HSD17B12: variants seen among roughly 807,000 people sequenced by gnomAD.
HSD17B12 encodes the protein hydroxysteroid 17-beta dehydrogenase 12.
HSD17B12 carries 32 observed loss-of-function variants against 39.3 expected under a neutral mutation model. The ratio of observed to expected loss-of-function variants is 0.81; its 90% CI spans 0.61 to 1.09. The LOEUF is 1.09. Ranked by LOEUF, HSD17B12 falls within the 50% of genes least tolerant of loss-of-function variation. HSD17B12 has a pLI of 0.00. For synonymous variants in HSD17B12, 150 were observed against 146.7 expected (o/e 1.02, Z -0.16); for missense variants, 342 against 382.9 (o/e 0.89, Z 0.89).
intron 3 of HSD17B12, among the ~76,000 whole-genome samples, chr11:43,775,389 G>T (rs554715942): frequency 9.2e-5 from 14 of 152,294 alleles, no homozygotes; most frequent in African/African-American, 3.1e-4. Flanking sequence ...GACAGATGCA[G>T]GTTTTGGATC....
the HSD17B12 span, among the ~76,000 whole-genome samples, chr11:43,610,297 G>A: frequency 6.6e-4 from 101 of 152,258 alleles, no homozygotes; most frequent in East Asian, 0.014. Context: ...CCTGGAGTCC[G>A]AAACAATGTT....
At chr11:43,639,276 C>G in the HSD17B12 span, among the ~76,000 whole-genome samples, 2 of 152,222 alleles carry the variant, frequency 1.3e-5, no homozygotes. Flanking sequence ...CCTTGCCTAA[C>G]AGCACAGCCC....
the HSD17B12 span, among the ~76,000 whole-genome samples, chr11:43,604,113 A>C: frequency 1.3e-5 from 2 of 152,188 alleles, no homozygotes; most frequent in Admixed American, 6.5e-5. Context: ...CATTCTTCTT[A>C]TTAATTCCCA....
At chr11:43,837,288 T>G (rs147565529) in intron 7 of HSD17B12, among the ~76,000 whole-genome samples, 19 of 152,192 alleles carry the variant, frequency 1.2e-4, no homozygotes, top group African/African-American at 4.6e-4. Context: ...AAAATAGGTG[T>G]TGGGAAGTAA....
At chr11:43,722,130 G>T (rs1250143878) in intron 1 of HSD17B12, among the ~76,000 whole-genome samples, 1 of 152,204 alleles carries the variant, frequency 6.6e-6, no homozygotes, top group Non-Finnish European at 1.5e-5. Context: ...GAATAAATGG[G>T]TGGTCCCATG....
intron 1 of HSD17B12, among the ~76,000 whole-genome samples, chr11:43,727,567 G>A (rs1950232439): frequency 6.6e-6 from 1 of 150,920 alleles, no homozygotes; most frequent in African/African-American, 2.4e-5. Context: ...TGATTTTCCT[G>A]CCTCAGCCTC....
At chr11:43,768,787 G>C (rs1198768524) in intron 3 of HSD17B12, among the ~76,000 whole-genome samples, 1 of 152,148 alleles carries the variant, frequency 6.6e-6, no homozygotes. Context: ...TGGCTCTGGT[G>C]GCCAGTTTTT....
chr11:43,732,912 C>CAG (rs1488085040), intron 1 of HSD17B12, among the ~76,000 whole-genome samples: 31 of 152,222 alleles, frequency 2.0e-4, no homozygotes, highest in Admixed American at 4.6e-4. Flanking sequence ...GCTGGAATTA[C>CAG]AGATGTGAGC....
chr11:43,723,496 A>G (rs1950193707), intron 1 of HSD17B12, among the ~76,000 whole-genome samples: 1 of 152,170 alleles, frequency 6.6e-6, no homozygotes, highest in African/African-American at 2.4e-5. Flanking sequence ...TACCACTCTA[A>G]TTTTATTATA....
At chr11:43,651,554 G>A in the HSD17B12 span, among the ~76,000 whole-genome samples, 1 of 152,156 alleles carries the variant, frequency 6.6e-6, no homozygotes, top group African/African-American at 2.4e-5. Flanking sequence ...ATAAACATTT[G>A]TAAATTGAAG....
the HSD17B12 span, among the ~76,000 whole-genome samples, chr11:43,658,489 T>A: frequency 2.6e-5 from 4 of 152,170 alleles, no homozygotes; most frequent in Non-Finnish European, 5.9e-5. Context: ...GAGTTTCCAG[T>A]TTTTCTGCTC....
At chr11:43,720,855 A>G (rs1950169981) in intron 1 of HSD17B12, among the ~76,000 whole-genome samples, 1 of 152,174 alleles carries the variant, frequency 6.6e-6, no homozygotes, top group Non-Finnish European at 1.5e-5. Context: ...AATGAAAAAA[A>G]ACCAACATAA....
chr11:43,715,581 A>G (rs1471759333), intron 1 of HSD17B12, among the ~76,000 whole-genome samples: 7 of 152,098 alleles, frequency 4.6e-5, no homozygotes. Context: ...TTGGTCTAAA[A>G]TTCTCTTTTT....
chr11:43,811,195 T>C (rs1289837209), intron 4 of HSD17B12, among the ~76,000 whole-genome samples: 2 of 152,212 alleles, frequency 1.3e-5, no homozygotes, highest in Non-Finnish European at 2.9e-5. Context: ...TGGGTTTGCT[T>C]TTCCAAAAGA....
chr11:43,590,048 CT>C, the HSD17B12 span, among the ~76,000 whole-genome samples: 2 of 152,144 alleles, frequency 1.3e-5, no homozygotes, highest in Non-Finnish European at 2.9e-5. Flanking sequence ...AGACAAGTTC[CT>C]GCAGATCCAG....
chr11:43,769,023 A>G (rs1255646040), intron 3 of HSD17B12, among the ~76,000 whole-genome samples: 1 of 152,160 alleles, frequency 6.6e-6, no homozygotes, highest in Admixed American at 6.5e-5. Context: ...AGCTGGCTTC[A>G]CCTCTCACCA....
At chr11:43,838,127 T>G (rs554219055) in intron 7 of HSD17B12, 190 bp from the exon 8 acceptor site, 52 of 559,544 alleles carry the variant, frequency 9.3e-5, no homozygotes, top group African/African-American at 8.9e-4. Flanking sequence ...AAGAGCTATT[T>G]TTAGTTGATT....
At chr11:43,611,843 T>C in the HSD17B12 span, among the ~76,000 whole-genome samples, 1 of 152,220 alleles carries the variant, frequency 6.6e-6, no homozygotes, top group African/African-American at 2.4e-5. Flanking sequence ...ATTTCAGAGA[T>C]GAGAAACTGA....
At chr11:43,811,897 G>T (rs1951076862) in intron 4 of HSD17B12, among the ~76,000 whole-genome samples, 1 of 151,820 alleles carries the variant, frequency 6.6e-6, no homozygotes, top group African/African-American at 2.4e-5. Context: ...CCACCTTCTG[G>T]TATCTATTAT....
Sources: allele counts gnomAD v4.1 joint callset (sites outside exome capture counted in the v4.1 genomes callset), GRCh38; gene constraint gnomAD v4.1.1; transcripts MANE v1.5; gene names NCBI Gene and HGNC (gene_info 2026-07-23, HGNC 2026-07-21).